Variants in KLF7 observed in about 807,000 individuals in gnomAD.
The protein encoded by KLF7 is KLF transcription factor 7, also known as Krueppel-like factor 7.
Under a neutral mutation model 27.3 loss-of-function variants are expected in KLF7, and 2 were observed. The ratio of observed to expected loss-of-function variants is 0.07; its 90% CI spans 0.03 to 0.23. The LOEUF (loss-of-function observed/expected upper bound fraction) is 0.23, where lower values mean the gene tolerates loss of function less well. Among genes scored for constraint, KLF7 ranks in the 10% least tolerant of loss-of-function variants. The pLI is 1.00. For missense variants in KLF7, 221 were observed against 394.1 expected, an observed-to-expected ratio of 0.56 and a Z score of 3.72; for synonymous variants, 165 against 162.4, an observed-to-expected ratio of 1.02 and a Z score of -0.12.
At chr2:207,112,412 G>A (rs1386750918) in intron 2 of KLF7, among the ~76,000 whole-genome samples, 1 of 152,144 alleles carries the variant, frequency 6.6e-6, no homozygotes, top group Non-Finnish European at 1.5e-5. Flanking sequence ...CATAAAGCCT[G>A]AATTTATCTT....
intron 1 of KLF7, among the ~76,000 whole-genome samples, chr2:207,130,120 G>A (rs1320785617): frequency 7.4e-6 from 1 of 134,544 alleles, no homozygotes; most frequent in African/African-American, 2.7e-5. Context: ...TTTCCCCTAC[G>A]ACCCTTACCT....
At chr2:207,082,338 T>C (rs1390004290) in intron 3 of KLF7, among the ~76,000 whole-genome samples, 6 of 152,128 alleles carry the variant, frequency 3.9e-5, no homozygotes, top group Admixed American at 3.3e-4. Context: ...GTGTCTATAC[T>C]GCCCTTGTGG....
intron 1 of KLF7, among the ~76,000 whole-genome samples, chr2:207,155,568 TAA>T (rs2078359840): frequency 6.6e-6 from 1 of 152,008 alleles, no homozygotes; most frequent in Non-Finnish European, 1.5e-5. Flanking sequence ...TATGCAAACA[TAA>T]AAAGACCCAT....
In KLF7 at chr2:207,088,540, G is replaced by A. The variant is rs778013943; in HGVS notation, c.775C>T (p.Arg259Cys). The change falls in exon 3 of 4, where the codon CGT becomes TGT. Residue 259 changes from arginine (R) to cysteine (C), a missense_variant. Physicochemically the swap from Arg to Cys is radical, Grantham distance 180. Transcript: ENST00000309446. The stretch of plus-strand genomic sequence containing the variant: ...GTGAGCTCATCGCTTCGTGCAAAAC[G>A]CCACTCACATCCCTCCCATGAGCAC... ...YKCSWEGCEW[R>C]FARSDELTRH... 3 of 1,613,826 alleles carry A rather than the reference G, an allele frequency of 1.9e-6. No homozygotes were observed. The highest frequency in any genetic ancestry group is 2.5e-6 in the Non-Finnish European group (3 of 1,179,924).
intron 1 of KLF7, among the ~76,000 whole-genome samples, chr2:207,126,450 A>G (rs906601956): frequency 9.2e-5 from 14 of 152,184 alleles, no homozygotes; most frequent in African/African-American, 3.4e-4. Flanking sequence ...TTCAATAGCC[A>G]TCTTTGAAAC....
At chr2:207,118,505 C>T (rs1190632163) in intron 2 of KLF7, among the ~76,000 whole-genome samples, 1 of 152,190 alleles carries the variant, frequency 6.6e-6, no homozygotes, top group African/African-American at 2.4e-5. Flanking sequence ...TAACAGGTTA[C>T]TTTTAAAAAA....
At chr2:207,100,607 C>T (rs2076743907) in intron 2 of KLF7, among the ~76,000 whole-genome samples, 1 of 152,176 alleles carries the variant, frequency 6.6e-6, no homozygotes, top group Admixed American at 6.5e-5. Flanking sequence ...TCCCCAACTC[C>T]CGCCCAAGCC....
chr2:207,137,253 T>A lies in KLF7; in HGVS notation c.103-12849A>T, dbSNP rs79737285. Among the ~76,000 whole-genome samples the A allele has an allele frequency of 1.9e-3, 289 of 152,278 alleles. 1 individual carries two copies. The highest frequency in any genetic ancestry group is 6.9e-3 in the African/African-American group (287 of 41,564). ...AGCACTTGAGGGTCACAGGAATTCA[T>A]TCCCTGACATTAGCAGCCCCACTTC... On this transcript the variant is annotated intron_variant, in intron 1 of 3. Transcript: ENST00000309446.
At chr2:207,144,436 G>GA in intron 1 of KLF7, among the ~76,000 whole-genome samples, 1 of 152,256 alleles carries the variant, frequency 6.6e-6, no homozygotes, top group South Asian at 2.1e-4. Context: ...TCACCAGAAC[G>GA]AAATAATAGC....
In KLF7 at chr2:207,100,536, CT is replaced by C. The variant is rs552673143; in HGVS notation, c.734-11956del. ...AAAGCCATGTCACTTATTTTTCTAC[CT>C]TATCACCCATCACTTCTTACATAAC... On this transcript the variant is annotated intron_variant, in intron 2 of 3. Coordinates refer to ENST00000309446, the MANE Select transcript of KLF7 (RefSeq NM_003709.4). 3.2e-3 allele frequency among the ~76,000 whole-genome samples: 494 copies of C among 152,186 alleles called. 1 individual carries two copies. Among genetic ancestry groups the C allele is most frequent in the African/African-American group, 0.011 (477 of 41,524 alleles).
In KLF7 at chr2:207,080,872, T is replaced by C. The variant is rs527352540; in HGVS notation, c.*341A>G. 1.9e-5 allele frequency: 8 copies of C among 415,754 alleles called. 1 individual carries two copies. In the Admixed American group the frequency reaches 2.8e-4, roughly 15 times the overall value. The allele number at this position is 415,754 out of a possible 1,614,324, so 25.8% of individuals were successfully genotyped here. A position where few individuals can be genotyped will look rare whatever the true frequency, so the allele number is the denominator to read the frequency against. On this transcript the variant is annotated 3_prime_UTR_variant, in exon 4 of 4. Coordinates refer to ENST00000309446, the MANE Select transcript of KLF7 (RefSeq NM_003709.4). ...CACATCCATTTTCTTTGATTTCCAT[T>C]GGCAACAGCGGGAAATAATTCCAAT... is the stretch of plus-strand genomic sequence containing the variant.
chr2:207,099,551 GATATATATATAT>G (rs59383415), intron 2 of KLF7, among the ~76,000 whole-genome samples: 2 of 57,568 alleles, frequency 3.5e-5, no homozygotes, highest in Non-Finnish European at 6.7e-5. Flanking sequence ...CTACATATGC[GATATATATATAT>G]ATATATATAT....
chr2:207,133,497 C>T (rs1201759325), intron 1 of KLF7, among the ~76,000 whole-genome samples: 1 of 152,182 alleles, frequency 6.6e-6, no homozygotes, highest in Non-Finnish European at 1.5e-5. Context: ...AGCCCAAGGA[C>T]GTGGGAGGAG....
chr2:207,095,031 C>CTTTTTTTTTTTTTTT lies in KLF7; in HGVS notation c.734-6465_734-6451dup, dbSNP rs36091471. Among the ~76,000 whole-genome samples the CTTTTTTTTTTTTTTT allele has an allele frequency of 6.0e-3, 491 of 82,408 alleles. 4 individuals are homozygous for CTTTTTTTTTTTTTTT. Among genetic ancestry groups the CTTTTTTTTTTTTTTT allele is most frequent in the East Asian group, 6.8e-3 (17 of 2,504 alleles). 54.1% of individuals were successfully genotyped at this position (82,408 alleles called of 152,430 possible). The stretch of plus-strand genomic sequence containing the variant: ...AACATTTGCCCTATTTGTTTTTATT[C>CTTTTTTTTTTTTTTT]TTTTTTTTTTTTTTTTTTTTTTTTT... On this transcript the variant is annotated intron_variant, in intron 2 of 3. Transcript: ENST00000309446.
chr2:207,161,296 C>A (rs1438365495), intron 1 of KLF7, among the ~76,000 whole-genome samples: 3 of 152,150 alleles, frequency 2.0e-5, no homozygotes, highest in African/African-American at 7.2e-5. Flanking sequence ...TACCAAGTTG[C>A]TGTTTCAAAT....
At chr2:207,091,435 G>A (rs1181695363) in intron 2 of KLF7, among the ~76,000 whole-genome samples, 1 of 152,076 alleles carries the variant, frequency 6.6e-6, no homozygotes, top group Non-Finnish European at 1.5e-5. Flanking sequence ...CCTGCTTGCG[G>A]CAAACACTAC....
At chr2:207,134,170 T>TTTTTTTTTTC in intron 1 of KLF7, 1 of 1,481,724 alleles carries the variant, frequency 6.7e-7, no homozygotes, top group Non-Finnish European at 8.9e-7. Context: ...TTTTTTTTTT[T>TTTTTTTTTTC]TTTTTAAAGC....
At chr2:207,099,767 A>AT (rs2076720600) in intron 2 of KLF7, among the ~76,000 whole-genome samples, 1 of 151,866 alleles carries the variant, frequency 6.6e-6, no homozygotes, top group South Asian at 2.1e-4. Flanking sequence ...TAGCTTAAGC[A>AT]TATCACTAGT....
At chr2:207,148,034 T>A (rs16839336) in intron 1 of KLF7, among the ~76,000 whole-genome samples, 35,504 of 152,112 alleles carry the variant, frequency 0.23, 4,349 homozygotes, top group Middle Eastern at 0.36. Flanking sequence ...AAACTAAACC[T>A]TAAAAGTACA....
Sources: allele counts gnomAD v4.1 joint callset (sites outside exome capture counted in the v4.1 genomes callset), GRCh38; gene constraint gnomAD v4.1.1; transcripts MANE v1.5; gene names NCBI Gene and HGNC (gene_info 2026-07-23, HGNC 2026-07-21).